Variants in PCDHGB5 observed in about 807,000 individuals in gnomAD.
The protein encoded by PCDHGB5 is protocadherin gamma-B5.
PCDHGB5 carries 48 observed loss-of-function variants against 62.9 expected under a neutral mutation model. That is an observed-to-expected ratio of 0.76 (90% CI 0.61 to 0.97). PCDHGB5 has a LOEUF of 0.97. Ranked by LOEUF, PCDHGB5 falls within the 50% of genes least tolerant of loss-of-function variation. The probability of loss-of-function intolerance (pLI) is 0.00; values close to 1 mark genes in which losing one functional copy is unlikely to be tolerated. For synonymous variants in PCDHGB5, 474 were observed against 511.2 expected, an observed-to-expected ratio of 0.93 and a Z score of 0.98; for missense variants, 1,118 against 1,198.6, an observed-to-expected ratio of 0.93 and a Z score of 0.99.
In PCDHGB5 at chr5:141,399,851, C is replaced by T. The variant is rs971471583; in HGVS notation, c.1724C>T (p.Pro575Leu). Residue 575 changes from proline to leucine, a missense_variant, in exon 1 of 4, where the codon CCG (proline) becomes CTG (leucine). Physicochemically the swap from Pro to Leu is moderately conservative, Grantham distance 98. Coordinates refer to ENST00000617380, the MANE Select transcript of PCDHGB5 (RefSeq NM_018925.3). ...GGCTCTGCGCTCTTCGATATGGTGCCGCGCGCTGCAGAGCCCGGCTACCTG... is the reference window on the plus strand; with the variant it reads ...GGCTCTGCGCTCTTCGATATGGTGCTGCGCGCTGCAGAGCCCGGCTACCTG... ...PDGSALFDMV[P>L]RAAEPGYLVT... The T allele has an allele frequency of 1.9e-6, 3 of 1,612,950 alleles. No individual in the cohort carries two copies. The highest frequency in any genetic ancestry group is 2.5e-6 in the Non-Finnish European group (3 of 1,179,794).
chr5:141,490,346 T>A lies in PCDHGB5; in HGVS notation c.2398-4461T>A. On this transcript the variant is annotated intron_variant, in intron 1 of 3. Coordinates refer to ENST00000617380, the MANE Select transcript of PCDHGB5 (RefSeq NM_018925.3). This position sits in a 1 kb window ranked among gnomAD's most constrained non-coding sequence, Gnocchi z 5.4. ...GAGAGCACACCAGTGGGCACAGTAG[T>A]GGGGTTGTTTAATGTGCGAGACCGG... The A allele has an allele frequency of 6.2e-7, 1 of 1,614,164 alleles. No individual in the cohort carries two copies. The highest frequency in any genetic ancestry group is 8.5e-7 in the Non-Finnish European group (1 of 1,180,020).
chr5:141,476,747 C>T lies in PCDHGB5; in HGVS notation c.2398-18060C>T. The T allele has an allele frequency of 6.2e-7, 1 of 1,614,066 alleles. No homozygotes were observed. The highest frequency in any genetic ancestry group is 8.5e-7 in the Non-Finnish European group (1 of 1,180,036). On this transcript the variant is annotated intron_variant, in intron 1 of 3. Transcript: ENST00000617380. This position sits in a 1 kb window ranked among gnomAD's most constrained non-coding sequence, Gnocchi z 7.6. The stretch of plus-strand genomic sequence containing the variant: ...GGACCGAGAACGGGAGCCTAGTCTC[C>T]AGTTAGTGCTGACGGCGTTGGACGG...
chr5:141,409,513 C>G (rs2095276446), intron 1 of PCDHGB5: 1 of 1,614,030 alleles, frequency 6.2e-7, no homozygotes, highest in South Asian at 1.1e-5. Flanking sequence ...CCAGTAGAAG[C>G]ATCACCTTGT....
chr5:141,442,135 G>C lies in PCDHGB5; in HGVS notation c.2397+41611G>C, dbSNP rs868124128. 8 of 164,066 alleles carry C rather than the reference G, an allele frequency of 4.9e-5. 1 individual carries two copies. The highest frequency in any genetic ancestry group is 2.8e-4 in the South Asian group (2 of 7,026). 10.2% of individuals were successfully genotyped at this position (164,066 alleles called of 1,614,324 possible). On this transcript the variant is annotated intron_variant, in intron 1 of 3. Transcript: ENST00000617380. ...CCCTCGTCGCCGACAGCCTGCAGGA[G>C]ACTCTGCCAGACCTCAGCGATCACT...
At position 141,399,298 on chromosome 5, in the gene PCDHGB5, A is replaced by T. The variant is rs1451298331; in HGVS notation, c.1171A>T (p.Ile391Phe). 1 of 1,613,850 alleles carries T rather than the reference A, an allele frequency of 6.2e-7. No homozygotes were observed. The highest frequency in any genetic ancestry group is 8.5e-7 in the Non-Finnish European group (1 of 1,179,874). ...QLQGEVPFKI[I>F]SSSKNSYKLV... ...ACAAGGCGAAGTCCCTTTTAAGATT[A>T]TCTCTTCATCCAAAAATTCGTATAA... Residue 391 changes from isoleucine to phenylalanine, a missense_variant, in exon 1 of 4, where the codon ATC (isoleucine) becomes TTC (phenylalanine). Ile to Phe is a conservative substitution (Grantham distance 21). Coordinates refer to ENST00000617380, the MANE Select transcript of PCDHGB5 (RefSeq NM_018925.3).
At chr5:141,429,408 T>A (rs2097213256) in intron 1 of PCDHGB5, among the ~76,000 whole-genome samples, 1 of 151,838 alleles carries the variant, frequency 6.6e-6, no homozygotes, top group Non-Finnish European at 1.5e-5. Flanking sequence ...GAGATTAAGG[T>A]CTCATTATGT....
chr5:141,420,722 A>T (rs1428516588), intron 1 of PCDHGB5, among the ~76,000 whole-genome samples: 4 of 152,226 alleles, frequency 2.6e-5, no homozygotes, highest in Admixed American at 6.5e-5. Flanking sequence ...CGTTCCTTTC[A>T]GTCGGTTAAA....
In PCDHGB5 at chr5:141,477,524, A is replaced by G. The variant is rs1302186932; in HGVS notation, c.2398-17283A>G. The stretch of plus-strand genomic sequence containing the variant: ...CTACGACGTTTACATTGAAGAAAAC[A>G]ACCTCCCCGGGGCTCCAATACTAAA... On this transcript the variant is annotated intron_variant, in intron 1 of 3. Coordinates refer to ENST00000617380, the MANE Select transcript of PCDHGB5 (RefSeq NM_018925.3). The surrounding 1 kb of genome is among the most constrained non-coding windows in gnomAD (Gnocchi z 4.9). The G allele has an allele frequency of 1.2e-6, 2 of 1,614,122 alleles. No individual in the cohort carries two copies. Among genetic ancestry groups the G allele is most frequent in the Non-Finnish European group, 1.7e-6 (2 of 1,180,022 alleles).
intron 1 of PCDHGB5, among the ~76,000 whole-genome samples, chr5:141,459,949 G>T (rs1284876601): frequency 2.0e-5 from 3 of 152,124 alleles, no homozygotes; most frequent in Non-Finnish European, 4.4e-5. Context: ...GTGATGGCAG[G>T]TGCCTGTAAT....
chr5:141,430,155 A>G (rs1440666899), intron 1 of PCDHGB5, among the ~76,000 whole-genome samples: 7 of 152,184 alleles, frequency 4.6e-5, no homozygotes, highest in Admixed American at 1.3e-4. Flanking sequence ...CATTCAAGGA[A>G]TCTATTTAAA....
chr5:141,415,078 G>T (rs780547982), intron 1 of PCDHGB5: 2 of 1,613,376 alleles, frequency 1.2e-6, no homozygotes, highest in Non-Finnish European at 8.5e-7. Context: ...CACGGCGCGA[G>T]CCCTGCTGGA....
chr5:141,438,358 G>A (rs1160913890), intron 1 of PCDHGB5, among the ~76,000 whole-genome samples: 1 of 151,634 alleles, frequency 6.6e-6, no homozygotes. Context: ...TCTGTGTATT[G>A]TCATTGAGGG....
chr5:141,437,956 T>A (rs998689841), intron 1 of PCDHGB5, among the ~76,000 whole-genome samples: 6 of 152,178 alleles, frequency 3.9e-5, no homozygotes, highest in African/African-American at 1.4e-4. Context: ...CAGAATGGTC[T>A]TGATCTCTTG....
intron 1 of PCDHGB5, chr5:141,420,292 T>C (rs761934978): frequency 2.7e-6 from 4 of 1,485,132 alleles, no homozygotes; most frequent in Middle Eastern, 1.8e-4. Context: ...TTTAAAAATG[T>C]ATTTAATCCT....
intron 1 of PCDHGB5, chr5:141,430,753 G>C (rs1175014357): frequency 6.6e-7 from 1 of 1,504,258 alleles, no homozygotes. Context: ...TCTGGAGGAA[G>C]ATAAGAATGA....
chr5:141,401,429 G>A lies in PCDHGB5; in HGVS notation c.2397+905G>A, dbSNP rs1305820458. ...AGAGAAAGAGAGAGACTGATTCACT[G>A]AACTTAGAAGGTCCAAATCATCCAA... On this transcript the variant is annotated intron_variant, in intron 1 of 3. Coordinates refer to ENST00000617380, the MANE Select transcript of PCDHGB5 (RefSeq NM_018925.3). Among the ~76,000 whole-genome samples the A allele has an allele frequency of 2.6e-5, 4 of 152,182 alleles. No homozygotes were observed. In the East Asian group the frequency reaches 7.7e-4, roughly 29 times the overall value.
Position 141,476,383 on chromosome 5 carries a change from C to T in PCDHGB5, c.2398-18424C>T, listed in dbSNP as rs547854431. The T allele has an allele frequency of 6.2e-7, 1 of 1,613,984 alleles. No homozygotes were observed. The highest frequency in any genetic ancestry group is 8.5e-7 in the Non-Finnish European group (1 of 1,180,044). On this transcript the variant is annotated intron_variant, in intron 1 of 3. Coordinates refer to ENST00000617380, the MANE Select transcript of PCDHGB5 (RefSeq NM_018925.3). This position sits in a 1 kb window ranked among gnomAD's most constrained non-coding sequence, Gnocchi z 7.6. ...GGGAGACCGGAGAGATGTTTGTGAA[C>T]GACCGTCTGGATCGAGAGGAGCTGT...
chr5:141,409,304 C>T, intron 1 of PCDHGB5: 2 of 1,613,954 alleles, frequency 1.2e-6, no homozygotes, highest in Non-Finnish European at 1.7e-6. Flanking sequence ...GGTTGTTGCC[C>T]TCTTCAAAAC....
chr5:141,438,579 CATACATACATACATAT>C (rs1360889040), intron 1 of PCDHGB5, among the ~76,000 whole-genome samples: 18 of 55,776 alleles, frequency 3.2e-4, no homozygotes, highest in Non-Finnish European at 5.1e-4. Context: ...GATATACATA[CATACATACATACATAT>C]ATATATATAT....
Sources: allele counts gnomAD v4.1 joint callset (sites outside exome capture counted in the v4.1 genomes callset), GRCh38; gene constraint gnomAD v4.1.1; non-coding constraint Gnocchi (gnomAD v3.1); transcripts MANE v1.5; gene names NCBI Gene and HGNC (gene_info 2026-07-23, HGNC 2026-07-21).